The following SLC1A2 variants were observed in gnomAD, a reference collection of about 807,000 sequenced individuals.
SLC1A2 encodes excitatory amino acid transporter 2.
SLC1A2 carries 15 observed loss-of-function variants against 48.8 expected under a neutral mutation model. The ratio of observed to expected loss-of-function variants is 0.31; its 90% CI spans 0.21 to 0.47. The LOEUF (loss-of-function observed/expected upper bound fraction) is 0.47. SLC1A2 is among the 20% of genes least tolerant of loss of function. SLC1A2 has a pLI of 0.99. For synonymous variants in SLC1A2, 279 were observed against 272.6 expected (o/e 1.02, Z -0.23); for missense variants, 502 against 730.5 (o/e 0.69, Z 3.61).
chr11:35,279,612 T>C (rs1177507359), intron 9 of SLC1A2, among the ~76,000 whole-genome samples: 1 of 152,202 alleles, frequency 6.6e-6, no homozygotes, highest in African/African-American at 2.4e-5. Flanking sequence ...TTGGTTATGA[T>C]TCAGCTCAGC....
Position 35,280,837 on chromosome 11 carries a change from C to G in SLC1A2, c.1421+30G>C, listed in dbSNP as rs373360355. ...ATCCCTAGGAGGCAGTACTCACAGT[C>G]CCAGCAGAACCCCATCCACAGACAC... On this transcript the variant is annotated intron_variant, in intron 9 of 10. Coordinates refer to ENST00000278379, the MANE Select transcript of SLC1A2 (RefSeq NM_004171.4). 1.2e-5 allele frequency: 18 copies of G among 1,529,908 alleles called. No homozygotes were observed. The African/African-American group carries it at 2.5e-4, about 21-fold the overall frequency. The allele number at this position is 1,529,908 out of a possible 1,614,324, so 94.8% of individuals were successfully genotyped here.
At chr11:35,311,427 T>C (rs1031832856) in intron 4 of SLC1A2, among the ~76,000 whole-genome samples, 6 of 152,200 alleles carry the variant, frequency 3.9e-5, no homozygotes, top group Admixed American at 2.6e-4. Flanking sequence ...CTCGAAGTGC[T>C]GGGATTATAG....
At chr11:35,398,795 T>C (rs147626197) in intron 1 of SLC1A2, among the ~76,000 whole-genome samples, 49 of 152,286 alleles carry the variant, frequency 3.2e-4, no homozygotes, top group African/African-American at 1.2e-3. Flanking sequence ...TTGTGTTAAG[T>C]AAAGGCTACT....
intron 1 of SLC1A2, among the ~76,000 whole-genome samples, chr11:35,351,107 G>C (rs529104299): frequency 6.4e-4 from 98 of 152,258 alleles, no homozygotes; most frequent in African/African-American, 2.3e-3. Flanking sequence ...CTCTGAGTCA[G>C]GTACTATCCT....
At chr11:35,277,399 T>C (rs919423083) in intron 9 of SLC1A2, among the ~76,000 whole-genome samples, 35 of 152,320 alleles carry the variant, frequency 2.3e-4, no homozygotes, top group Non-Finnish European at 4.1e-4. Flanking sequence ...TTTTCTCATC[T>C]GGAAATACAG....
Position 35,317,495 on chromosome 11 carries a change from C to G in SLC1A2, c.39G>C (p.Gln13His), listed in dbSNP as rs2134904130. Residue 13 changes from glutamine to histidine, a missense_variant, in exon 2 of 11, where the codon CAG (glutamine) becomes CAC (histidine). Gln to His is a conservative substitution (Grantham distance 24). Around this residue, in one of 4 missense-constraint regions of SLC1A2, gnomAD observed 89 missense variants for 119.7 expected, o/e 0.74. Coordinates refer to ENST00000278379, the MANE Select transcript of SLC1A2 (RefSeq NM_004171.4). ...STEGANNMPKQVEVRMHDSHL... is the reference protein window; with the variant it reads ...STEGANNMPKHVEVRMHDSHL... Reference sequence around the variant, plus strand: ...GACTGTCGTGCATTCGCACTTCCACCTGCTTGGGCATATTGTTGGCACTGG... The same window carrying G: ...GACTGTCGTGCATTCGCACTTCCACGTGCTTGGGCATATTGTTGGCACTGG... 1 of 1,613,914 alleles carries G rather than the reference C, an allele frequency of 6.2e-7. No individual in the cohort carries two copies. Among genetic ancestry groups the G allele is most frequent in the South Asian group, 1.1e-5 (1 of 91,084 alleles).
chr11:35,299,251 AT>A (rs1851269618), intron 6 of SLC1A2: 1 of 152,360 alleles, frequency 6.6e-6, no homozygotes, highest in African/African-American at 2.4e-5. Context: ...AGGCAGAAAA[AT>A]CACTTGAACC....
chr11:35,376,012 T>G (rs1854216661), intron 1 of SLC1A2, among the ~76,000 whole-genome samples: 1 of 152,030 alleles, frequency 6.6e-6, no homozygotes, highest in Non-Finnish European at 1.5e-5. Context: ...ACTCCTAACC[T>G]CCAGTATCAG....
intron 9 of SLC1A2, among the ~76,000 whole-genome samples, chr11:35,271,397 T>C (rs1027629863): frequency 1.3e-5 from 2 of 151,818 alleles, no homozygotes; most frequent in Non-Finnish European, 2.9e-5. Flanking sequence ...GAATGCAGAG[T>C]GTAAAAAGCA....
chr11:35,415,971 C>T (rs1855591843), intron 1 of SLC1A2, among the ~76,000 whole-genome samples: 1 of 152,196 alleles, frequency 6.6e-6, no homozygotes, highest in Non-Finnish European at 1.5e-5. Context: ...GGTCAGGGAC[C>T]TAAAAGCCAT....
At chr11:35,402,831 AG>A (rs1855175311) in intron 1 of SLC1A2, among the ~76,000 whole-genome samples, 1 of 152,270 alleles carries the variant, frequency 6.6e-6, no homozygotes, top group African/African-American at 2.4e-5. Flanking sequence ...AAGTAAAAAC[AG>A]TTATGGATTA....
At chr11:35,417,345 C>A (rs1855640028) in intron 1 of SLC1A2, among the ~76,000 whole-genome samples, 1 of 152,152 alleles carries the variant, frequency 6.6e-6, no homozygotes. Context: ...CTCTATCTGG[C>A]CATCAAAATA....
intron 1 of SLC1A2, among the ~76,000 whole-genome samples, chr11:35,350,614 T>A (rs1352442657): frequency 6.6e-6 from 1 of 152,238 alleles, no homozygotes; most frequent in African/African-American, 2.4e-5. Context: ...CCCAGGTATC[T>A]GGGGATCCTT....
rs376504564 is a variant in SLC1A2 at position 35,418,903 on chromosome 11, C to A, written c.17+47G>T. On this transcript the variant is annotated intron_variant, in intron 1 of 10. Coordinates refer to ENST00000278379, the MANE Select transcript of SLC1A2 (RefSeq NM_004171.4). ...ATCCCGGATAGGGGCGCCACCACCC[C>A]GCGCGTGACCCCGCTTTCCCGCGGG... The A allele has an allele frequency of 1.0e-5, 16 of 1,540,206 alleles. No individual in the cohort carries two copies. In the African/African-American group the frequency reaches 2.2e-4, roughly 21 times the overall value.
chr11:35,387,335 G>T (rs578212378), intron 1 of SLC1A2, among the ~76,000 whole-genome samples: 1 of 152,146 alleles, frequency 6.6e-6, no homozygotes, highest in Non-Finnish European at 1.5e-5. Flanking sequence ...TGCCAGAAAC[G>T]TGGGGTCTCT....
In SLC1A2 at chr11:35,380,486, C is replaced by T. The variant is rs182072078; in HGVS notation, c.17+38464G>A. 8.0e-5 allele frequency: 32 copies of T among 398,304 alleles called. No individual in the cohort carries two copies. In the South Asian group the frequency reaches 1.4e-3, roughly 17 times the overall value. The allele number at this position is 398,304 out of a possible 1,614,324, so 24.7% of individuals were successfully genotyped here. On this transcript the variant is annotated intron_variant, in intron 1 of 10. Transcript: ENST00000278379. ...TATTTTAAATCCCAGCTAATCTGTG[C>T]GACTCCCTGGATTGGTCTGATCTCT...
At chr11:35,341,460 T>C (rs546806141) in intron 1 of SLC1A2, among the ~76,000 whole-genome samples, 10 of 152,314 alleles carry the variant, frequency 6.6e-5, no homozygotes, top group Non-Finnish European at 1.2e-4. Context: ...TGTGTGATGT[T>C]CCGCTTCCTA....
At chr11:35,283,667 T>A (rs1410371816) in intron 8 of SLC1A2, among the ~76,000 whole-genome samples, 5 of 151,980 alleles carry the variant, frequency 3.3e-5, no homozygotes, top group African/African-American at 4.8e-5. Flanking sequence ...AGACCAAGAG[T>A]CGAGATACCA....
chr11:35,414,020 C>T (rs986769127), intron 1 of SLC1A2, among the ~76,000 whole-genome samples: 2 of 152,188 alleles, frequency 1.3e-5, no homozygotes, highest in African/African-American at 4.8e-5. Flanking sequence ...AGGATTGACA[C>T]AGATCAAGTC....
Sources: gnomAD v4.1 joint callset for allele counts (sites outside exome capture counted in the v4.1 genomes callset) on GRCh38, gnomAD v4.1.1 for gene constraint, gnomAD v4.1.1 regional missense constraint, MANE v1.5 for transcripts, NCBI Gene and HGNC (gene_info 2026-07-23, HGNC 2026-07-21) for gene names.